CAB39: variants seen among roughly 807,000 people sequenced by gnomAD.
The protein encoded by CAB39 is calcium binding protein 39.
In CAB39, 8 loss-of-function variants were observed where a neutral mutation model predicts 40.0. The ratio of observed to expected loss-of-function variants is 0.20; its 90% CI spans 0.12 to 0.36. The LOEUF is 0.36. Ranked by LOEUF, CAB39 falls within the 10% of genes least tolerant of loss-of-function variation. The pLI, the probability that CAB39 is intolerant of heterozygous loss-of-function variation, is 1.00. For synonymous variants in CAB39, 156 were observed against 141.6 expected (o/e 1.10, Z -0.72); for missense variants, 270 against 401.1 (o/e 0.67, Z 2.79).
At chr2:230,793,944 A>G (rs1385274646) in intron 4 of CAB39, among the ~76,000 whole-genome samples, 1 of 152,142 alleles carries the variant, frequency 6.6e-6, no homozygotes, top group Non-Finnish European at 1.5e-5. Context: ...TGAAAACCGA[A>G]CCATAGAACC....
At chr2:230,754,394 T>TTCCCCTTCCCCTCCTTCC (rs1344420219) in intron 1 of CAB39, among the ~76,000 whole-genome samples, 2 of 136,512 alleles carry the variant, frequency 1.5e-5, no homozygotes, top group African/African-American at 5.9e-5. Context: ...CCCCTCCTTC[T>TTCCCCTTCCCCTCCTTCC]TCCCCTTCCC....
At chr2:230,714,908 G>A (rs950876844) in intron 1 of CAB39, among the ~76,000 whole-genome samples, 4 of 152,194 alleles carry the variant, frequency 2.6e-5, no homozygotes, top group Non-Finnish European at 5.9e-5. Context: ...TATGACAAGT[G>A]AATGCCACCT....
chr2:230,816,385 C>T (rs1021994200), intron 7 of CAB39, among the ~76,000 whole-genome samples: 3 of 152,226 alleles, frequency 2.0e-5, no homozygotes, highest in African/African-American at 7.2e-5. Context: ...ACTTTTCAGT[C>T]TTTGTAAGAT....
At chr2:230,792,085 AT>A (rs757153553) in intron 3 of CAB39, among the ~76,000 whole-genome samples, 1 of 152,238 alleles carries the variant, frequency 6.6e-6, no homozygotes, top group African/African-American at 2.4e-5. Flanking sequence ...TAAGTTGAGT[AT>A]AATACTGTTA....
chr2:230,724,290 A>G (rs548106184), intron 1 of CAB39, among the ~76,000 whole-genome samples: 1 of 151,904 alleles, frequency 6.6e-6, no homozygotes, highest in South Asian at 2.1e-4. Flanking sequence ...AAGATTCTGT[A>G]CTTGTGTGAA....
chr2:230,746,065 A>G (rs1225095390), intron 1 of CAB39, among the ~76,000 whole-genome samples: 1 of 152,172 alleles, frequency 6.6e-6, no homozygotes, highest in Non-Finnish European at 1.5e-5. Flanking sequence ...GCAAACATTT[A>G]TTTGTGATTA....
chr2:230,715,790 C>A (rs762147103), intron 1 of CAB39, among the ~76,000 whole-genome samples: 3 of 152,166 alleles, frequency 2.0e-5, no homozygotes, highest in Non-Finnish European at 4.4e-5. Flanking sequence ...GCAACCTCAA[C>A]CTCCTGGGCT....
At chr2:230,714,210 G>T (rs542376394) in intron 1 of CAB39, among the ~76,000 whole-genome samples, 24 of 152,320 alleles carry the variant, frequency 1.6e-4, no homozygotes, top group Admixed American at 9.8e-4. Flanking sequence ...TATTTGAGCA[G>T]CATTCTAAGA....
chr2:230,764,169 A>C (rs1695343833), intron 2 of CAB39, among the ~76,000 whole-genome samples: 1 of 152,184 alleles, frequency 6.6e-6, no homozygotes, highest in Non-Finnish European at 1.5e-5. Context: ...TCCCTGACTT[A>C]AGATTTTTCA....
chr2:230,729,451 TTAAAAA>T (rs1370215699), intron 1 of CAB39, among the ~76,000 whole-genome samples: 13 of 151,480 alleles, frequency 8.6e-5, no homozygotes, highest in African/African-American at 3.2e-4. Flanking sequence ...AAATCAAGAG[TTAAAAA>T]TAAGAGTTTA....
Position 230,788,327 on chromosome 2 carries a change from C to G in CAB39, c.115-2545C>G, listed in dbSNP as rs1695831060. The stretch of plus-strand genomic sequence containing the variant: ...CTATAGTCTATCTTCAGGAAATATA[C>G]TACTTCAGTTATTATAAGAACCTGA... On this transcript the variant is annotated intron_variant, in intron 2 of 8. Transcript: ENST00000258418. 4.6e-5 allele frequency among the ~76,000 whole-genome samples: 7 copies of G among 150,988 alleles called. No homozygotes were observed. In the South Asian group the frequency reaches 1.5e-3, roughly 32 times the overall value.
intron 2 of CAB39, among the ~76,000 whole-genome samples, chr2:230,780,308 C>T (rs555663724): frequency 3.3e-5 from 5 of 152,276 alleles, no homozygotes; most frequent in African/African-American, 4.8e-5. Context: ...TAAATGTTAA[C>T]GTCTTTTATA....
chr2:230,713,860 GACGAGAAC>G (rs1694299713), intron 1 of CAB39: 1 of 152,314 alleles, frequency 6.6e-6, no homozygotes, highest in Admixed American at 6.5e-5. Flanking sequence ...TGAGAGATAA[GACGAGAAC>G]ACAAATAACT....
intron 5 of CAB39, among the ~76,000 whole-genome samples, chr2:230,804,212 A>G (rs145580648): frequency 0.059 from 9,027 of 152,286 alleles, 916 homozygotes; most frequent in African/African-American, 0.2. Context: ...GAAAGCTGAA[A>G]CTGGACACCT....
intron 6 of CAB39, among the ~76,000 whole-genome samples, chr2:230,813,305 A>G (rs1325671391): frequency 6.6e-6 from 1 of 152,020 alleles, no homozygotes; most frequent in Non-Finnish European, 1.5e-5. Context: ...CAGCAGTGCC[A>G]CTCTTGTCAG....
intron 1 of CAB39, among the ~76,000 whole-genome samples, chr2:230,749,302 A>G (rs1038843153): frequency 6.6e-6 from 1 of 152,034 alleles, no homozygotes; most frequent in African/African-American, 2.4e-5. Flanking sequence ...ATGACCTCAT[A>G]AGTACAGTAT....
chr2:230,774,940 TA>T (rs1172042807), intron 2 of CAB39, among the ~76,000 whole-genome samples: 1 of 152,244 alleles, frequency 6.6e-6, no homozygotes, highest in Non-Finnish European at 1.5e-5. Flanking sequence ...TATTATCAAA[TA>T]CTTGGCACCA....
At chr2:230,774,765 A>G (rs1048458497) in intron 2 of CAB39, among the ~76,000 whole-genome samples, 2 of 152,088 alleles carry the variant, frequency 1.3e-5, no homozygotes, top group Non-Finnish European at 1.5e-5. Context: ...TGGTTACTAA[A>G]CTTGTTTACA....
chr2:230,814,673 G>A (rs1027667969), intron 7 of CAB39, among the ~76,000 whole-genome samples: 8 of 152,148 alleles, frequency 5.3e-5, no homozygotes, highest in East Asian at 1.9e-4. Flanking sequence ...GAATAAAGAC[G>A]TGCTCATTTA....
Sources: allele counts gnomAD v4.1 joint callset (sites outside exome capture counted in the v4.1 genomes callset), GRCh38; gene constraint gnomAD v4.1.1; transcripts MANE v1.5; gene names NCBI Gene and HGNC (gene_info 2026-07-23, HGNC 2026-07-21).